Variants in PHEX observed in about 807,000 individuals in gnomAD.
The protein encoded by PHEX is phosphate-regulating neutral endopeptidase PHEX.
A neutral mutation model predicts 68.0 loss-of-function variants in PHEX; 16 were observed. That is an observed-to-expected ratio of 0.24 (90% CI 0.16 to 0.36). The LOEUF (loss-of-function observed/expected upper bound fraction) is 0.36. Among genes scored for constraint, PHEX ranks in the 10% least tolerant of loss-of-function variants. The probability of loss-of-function intolerance (pLI) is 1.00; values close to 1 mark genes in which losing one functional copy is unlikely to be tolerated. For synonymous variants in PHEX, 208 were observed against 205.1 expected (o/e 1.01, Z -0.12); for missense variants, 480 against 575.5 (o/e 0.83, Z 1.70).
At chrX:22,228,732 T>TACTTTACTTTA (rs199638003) in intron 20 of PHEX, among the ~76,000 whole-genome samples, 143 of 109,647 alleles carry the variant, frequency 1.3e-3, no homozygotes, top group Middle Eastern at 4.8e-3. Context: ...TACTTTACTT[T>TACTTTACTTTA]AAAAAAAAAT....
intron 3 of PHEX, among the ~76,000 whole-genome samples, chrX:22,053,367 C>T (rs1158237578): frequency 1.8e-5 from 2 of 111,858 alleles, no homozygotes; most frequent in African/African-American, 6.5e-5. Context: ...ATGGACTTGA[C>T]AGACCTGGCT....
At chrX:22,151,177 T>C (rs1225582466) in intron 12 of PHEX, among the ~76,000 whole-genome samples, 1 of 112,199 alleles carries the variant, frequency 8.9e-6, no homozygotes, top group Non-Finnish European at 1.9e-5. Context: ...TGGCTATTAA[T>C]GGTAGCAGAG....
chrX:22,037,325 C>T (rs1927074950), intron 1 of PHEX, among the ~76,000 whole-genome samples: 1 of 110,764 alleles, frequency 9.0e-6, no homozygotes, highest in Non-Finnish European at 1.9e-5. Flanking sequence ...TAGGTACTGC[C>T]GAGCTTTCTG....
chrX:22,115,608 A>C (rs1359289863), intron 11 of PHEX, among the ~76,000 whole-genome samples: 2 of 112,040 alleles, frequency 1.8e-5, no homozygotes, highest in Non-Finnish European at 3.8e-5. Flanking sequence ...CCCTGCCCCC[A>C]GCCCCTGGCA....
chrX:22,085,574 CAA>C (rs61594590), intron 5 of PHEX, among the ~76,000 whole-genome samples: 17 of 52,758 alleles, frequency 3.2e-4, no homozygotes, highest in African/African-American at 2.6e-4. Flanking sequence ...GACTCCATCT[CAA>C]AAAAAAAAAA....
At chrX:22,142,404 C>A (rs1013398219) in intron 12 of PHEX, among the ~76,000 whole-genome samples, 1 of 112,393 alleles carries the variant, frequency 8.9e-6, no homozygotes, top group African/African-American at 3.2e-5. Flanking sequence ...TGCCTTCTCC[C>A]TAAATGTAGG....
At chrX:22,235,337 T>C (rs980162426) in intron 20 of PHEX, among the ~76,000 whole-genome samples, 2 of 112,400 alleles carry the variant, frequency 1.8e-5, no homozygotes, top group African/African-American at 6.5e-5. Flanking sequence ...TTAAGTGCTT[T>C]TCAGATTTGA....
intron 20 of PHEX, among the ~76,000 whole-genome samples, chrX:22,243,168 C>G (rs1179713995): frequency 8.9e-6 from 1 of 111,755 alleles, no homozygotes; most frequent in Non-Finnish European, 1.9e-5. Context: ...CTGACAAAAA[C>G]AAGAAATGGG....
intron 12 of PHEX, among the ~76,000 whole-genome samples, chrX:22,142,332 T>C (rs1028501309): frequency 1.8e-5 from 2 of 112,313 alleles, no homozygotes; most frequent in Non-Finnish European, 3.8e-5. Flanking sequence ...AACATTTCTC[T>C]ATAGTTGCAT....
chrX:22,166,528 T>A (rs761718195), intron 12 of PHEX, among the ~76,000 whole-genome samples: 11 of 109,269 alleles, frequency 1.0e-4, no homozygotes, highest in South Asian at 3.9e-4. Context: ...TGTCAAAATT[T>A]TATATATATA....
In PHEX at chrX:22,120,804, A is replaced by C. The variant is rs577658282; in HGVS notation, c.1302+6218A>C. Among the ~76,000 whole-genome samples, 16 of 112,312 alleles carry C rather than the reference A, an allele frequency of 1.4e-4. No homozygotes were observed. The South Asian group carries it at 3.3e-3, about 23-fold the overall frequency. ...TAAGATTTATTATCAAAGTTTAAAAAAAAATGTTTACCATTCTCTACTAAG... is the reference window on the plus strand; with the variant it reads ...TAAGATTTATTATCAAAGTTTAAAACAAAATGTTTACCATTCTCTACTAAG... On this transcript the variant is annotated intron_variant, in intron 11 of 21. Coordinates refer to ENST00000379374, the MANE Select transcript of PHEX (RefSeq NM_000444.6).
At chrX:22,245,638 C>A (rs1178544467) in intron 21 of PHEX, among the ~76,000 whole-genome samples, 1 of 112,026 alleles carries the variant, frequency 8.9e-6, no homozygotes, top group Non-Finnish European at 1.9e-5. Flanking sequence ...TGAATTTCTG[C>A]TGATGGTACC....
chrX:22,133,527 A>T lies in PHEX; in HGVS notation c.1307A>T (p.Glu436Val). 1 of 1,200,835 alleles carries T rather than the reference A, an allele frequency of 8.3e-7. No individual in the cohort carries two copies. Among genetic ancestry groups the T allele is most frequent in the African/African-American group, 1.7e-5 (1 of 57,366 alleles). The change falls in exon 12 of 22, where the codon GAG (glutamate) becomes GTG (valine). Residue 436 changes from glutamate to valine, a missense_variant. Physicochemically the swap from Glu to Val is moderately radical, Grantham distance 121 (BLOSUM62 -2). Transcript: ENST00000379374. ...YFQEDKKEMM[E>V]ELVEGVRWAF... is the part of the protein sequence containing the mutation. ...TCTTTGGGTATTTTCTTGTAGATGG[A>T]GGAATTGGTTGAGGGCGTTCGCTGG...
chrX:22,180,018 A>T (rs1363577513), intron 14 of PHEX, among the ~76,000 whole-genome samples: 14 of 105,538 alleles, frequency 1.3e-4, no homozygotes, highest in African/African-American at 4.9e-4. Flanking sequence ...TTTTTTTTTA[A>T]AATCAAAAGT....
At chrX:22,034,749 G>A (rs1569365186) in intron 1 of PHEX, among the ~76,000 whole-genome samples, 1 of 111,964 alleles carries the variant, frequency 8.9e-6, no homozygotes, top group Non-Finnish European at 1.9e-5. Context: ...TCACTGGGGA[G>A]CTTGAGCTCC....
At chrX:22,036,058 T>A (rs865794821) in intron 1 of PHEX, among the ~76,000 whole-genome samples, 737 of 53,295 alleles carry the variant, frequency 0.014, 9 homozygotes, top group East Asian at 0.1. Context: ...ATATATATTT[T>A]TTTTTTTTTT....
chrX:22,082,319 CA>C (rs1929427720), intron 5 of PHEX, among the ~76,000 whole-genome samples: 1 of 111,990 alleles, frequency 8.9e-6, no homozygotes. Context: ...TTTACATTCC[CA>C]CCAGCAGTGT....
chrX:22,203,344 A>G (rs890104176), intron 15 of PHEX, among the ~76,000 whole-genome samples: 2 of 110,295 alleles, frequency 1.8e-5, no homozygotes, highest in Non-Finnish European at 3.8e-5. Context: ...AGGCTGATAG[A>G]TGTGGTGGCA....
chrX:22,126,437 A>G lies in PHEX; in HGVS notation c.1303-7086A>G, dbSNP rs143326583. ...CAGGGACAAAGCTTTGAAGAAAACT[A>G]CAACCGATCATGGGGCAAACTAATC... is the stretch of plus-strand genomic sequence containing the variant. On this transcript the variant is annotated intron_variant, in intron 11 of 21. Transcript: ENST00000379374. Among the ~76,000 whole-genome samples, 1,028 of 111,820 alleles carry G rather than the reference A, an allele frequency of 9.2e-3. 17 individuals are homozygous for G. The highest frequency in any genetic ancestry group is 0.031 in the African/African-American group (960 of 30,727).
Sources: allele counts gnomAD v4.1 joint callset (sites outside exome capture counted in the v4.1 genomes callset), GRCh38; gene constraint gnomAD v4.1.1; transcripts MANE v1.5; gene names NCBI Gene and HGNC (gene_info 2026-07-23, HGNC 2026-07-21).